RUNDC3B: variants seen among roughly 807,000 people sequenced by gnomAD.
RUNDC3B encodes the protein RUN domain-containing protein 3B.
RUNDC3B carries 33 observed loss-of-function variants against 58.4 expected under a neutral mutation model. The observed-to-expected ratio is 0.56, with a 90% CI of 0.43 to 0.75. The LOEUF (loss-of-function observed/expected upper bound fraction) is 0.75, where lower values mean the gene tolerates loss of function less well. Ranked by LOEUF, RUNDC3B falls within the 30% of genes least tolerant of loss-of-function variation. The pLI, the probability that RUNDC3B is intolerant of heterozygous loss-of-function variation, is 0.00. For missense variants in RUNDC3B, 501 were observed against 535.7 expected, an observed-to-expected ratio of 0.94 and a Z score of 0.64; for synonymous variants, 193 against 195.2, an observed-to-expected ratio of 0.99 and a Z score of 0.10.
intron 4 of RUNDC3B, among the ~76,000 whole-genome samples, chr7:87,714,092 G>A (rs1384175314): frequency 6.6e-6 from 1 of 152,158 alleles, no homozygotes; most frequent in Non-Finnish European, 1.5e-5. Context: ...CAGAAAAGTA[G>A]ACAGAATAGT....
At chr7:87,727,138 G>T (rs2130786222) in intron 4 of RUNDC3B, among the ~76,000 whole-genome samples, 1 of 152,300 alleles carries the variant, frequency 6.6e-6, no homozygotes, top group South Asian at 2.1e-4. Flanking sequence ...AATAGGAGTG[G>T]TGAGAGAGGG....
intron 1 of RUNDC3B, among the ~76,000 whole-genome samples, chr7:87,634,105 C>T (rs1211691528): frequency 6.6e-6 from 1 of 152,072 alleles, no homozygotes; most frequent in African/African-American, 2.4e-5. Context: ...GGAACTGATC[C>T]ATTCTTCCTT....
rs143369956 is a variant in RUNDC3B at position 87,805,597 on chromosome 7, G to A, written c.957-1776G>A. On this transcript the variant is annotated intron_variant, in intron 8 of 10. Coordinates refer to ENST00000394654, the MANE Select transcript of RUNDC3B (RefSeq NM_001134405.2). ...GGACAATAGTTATATAAAAACTGTT[G>A]TGGAACTTCAGTTCTCTTTTCCATT... 2.4e-3 allele frequency among the ~76,000 whole-genome samples: 370 copies of A among 152,258 alleles called. 1 individual carries two copies. The highest frequency in any genetic ancestry group is 8.5e-3 in the African/African-American group (355 of 41,552).
At chr7:87,734,704 C>T (rs918430936) in intron 4 of RUNDC3B, among the ~76,000 whole-genome samples, 1 of 152,152 alleles carries the variant, frequency 6.6e-6, no homozygotes, top group Non-Finnish European at 1.5e-5. Flanking sequence ...TTCTGCCCCT[C>T]ATCACTCCAC....
At position 87,628,804 on chromosome 7, in the gene RUNDC3B, G is replaced by T; in HGVS notation, c.-20G>T. 1 of 1,226,680 alleles carries T rather than the reference G, an allele frequency of 8.2e-7. No individual in the cohort carries two copies. The highest frequency in any genetic ancestry group is 1.6e-5 in the African/African-American group (1 of 64,304). 76.0% of individuals were successfully genotyped at this position (1,226,680 alleles called of 1,614,324 possible). ...GTGCGGGGTGGCACGAGACAAAAGG[G>T]GCACGGGGGTAAGCCCGCCATGGCC... On this transcript the variant is annotated 5_prime_UTR_variant, in exon 1 of 11. Transcript: ENST00000394654.
At chr7:87,707,279 G>C (rs1278838437) in intron 3 of RUNDC3B, among the ~76,000 whole-genome samples, 2 of 152,112 alleles carry the variant, frequency 1.3e-5, no homozygotes, top group Non-Finnish European at 2.9e-5. Flanking sequence ...ATGGGTGATA[G>C]AGACTTTGGA....
At chr7:87,701,726 A>G (rs1490654567) in intron 3 of RUNDC3B, among the ~76,000 whole-genome samples, 2 of 152,234 alleles carry the variant, frequency 1.3e-5, no homozygotes, top group Non-Finnish European at 2.9e-5. Context: ...CCAACCATAT[A>G]TCTGTGTGAA....
At chr7:87,828,084 T>C (rs1248331250) in intron 10 of RUNDC3B, among the ~76,000 whole-genome samples, 5 of 152,240 alleles carry the variant, frequency 3.3e-5, no homozygotes, top group Admixed American at 3.3e-4. Context: ...TAACTTTTTT[T>C]TGTTGTTCAA....
intron 4 of RUNDC3B, among the ~76,000 whole-genome samples, chr7:87,733,980 G>A (rs1449584076): frequency 2.6e-5 from 4 of 152,130 alleles, no homozygotes. Flanking sequence ...TTAAAAATGG[G>A]CAATGAATCT....
intron 8 of RUNDC3B, among the ~76,000 whole-genome samples, chr7:87,784,477 A>G (rs558224665): frequency 2.0e-5 from 3 of 151,924 alleles, no homozygotes; most frequent in Non-Finnish European, 4.4e-5. Context: ...GTGTCTTTTC[A>G]GAGGGCCAAG....
At chr7:87,725,593 T>C (rs1831178750) in intron 4 of RUNDC3B, among the ~76,000 whole-genome samples, 1 of 152,246 alleles carries the variant, frequency 6.6e-6, no homozygotes, top group Admixed American at 6.5e-5. Flanking sequence ...TATAATCCTT[T>C]GGGTATATAC....
chr7:87,819,155 A>G (rs984903306), intron 10 of RUNDC3B, among the ~76,000 whole-genome samples: 1 of 152,168 alleles, frequency 6.6e-6, no homozygotes, highest in Non-Finnish European at 1.5e-5. Flanking sequence ...CTCGGCCCTG[A>G]TCAGCTAGTC....
At chr7:87,692,430 C>T (rs1173210469) in intron 2 of RUNDC3B, among the ~76,000 whole-genome samples, 1 of 152,138 alleles carries the variant, frequency 6.6e-6, no homozygotes, top group East Asian at 1.9e-4. Flanking sequence ...GAGCTCCAGC[C>T]AGGGTGACAA....
intron 6 of RUNDC3B, among the ~76,000 whole-genome samples, chr7:87,747,333 T>G (rs182691659): frequency 7.3e-4 from 111 of 152,320 alleles, no homozygotes; most frequent in African/African-American, 2.5e-3. Flanking sequence ...GAGCCATCTA[T>G]GGGTCTCTCA....
chr7:87,667,373 G>A (rs1261957413), intron 2 of RUNDC3B, among the ~76,000 whole-genome samples: 1 of 151,544 alleles, frequency 6.6e-6, no homozygotes, highest in East Asian at 1.9e-4. Context: ...TTTTCAGATG[G>A]AGGAACTTTT....
intron 2 of RUNDC3B, among the ~76,000 whole-genome samples, chr7:87,687,369 C>A (rs1033367903): frequency 6.6e-6 from 1 of 152,038 alleles, no homozygotes; most frequent in Admixed American, 6.6e-5. Context: ...GAGGTTTAAC[C>A]CTTCCACTAT....
chr7:87,758,765 A>G lies in RUNDC3B; in HGVS notation c.630-11816A>G, dbSNP rs1220177509. On this transcript the variant is annotated intron_variant, in intron 6 of 10. Coordinates refer to ENST00000394654, the MANE Select transcript of RUNDC3B (RefSeq NM_001134405.2). ...TTAATCAACAGAGAAATGCAAATCAAAACTACAATGAGATATCATCTCACT... is the reference window on the plus strand; with the variant it reads ...TTAATCAACAGAGAAATGCAAATCAGAACTACAATGAGATATCATCTCACT... Among the ~76,000 whole-genome samples, 3 of 152,316 alleles carry G rather than the reference A, an allele frequency of 2.0e-5. No individual in the cohort carries two copies. The East Asian group carries it at 5.8e-4, about 29-fold the overall frequency.
intron 8 of RUNDC3B, among the ~76,000 whole-genome samples, chr7:87,797,954 G>C (rs575209542): frequency 6.6e-6 from 1 of 152,318 alleles, no homozygotes; most frequent in South Asian, 2.1e-4. Context: ...GACAGCAGCT[G>C]AATCAAAATA....
chr7:87,732,253 A>G (rs1279093424), intron 4 of RUNDC3B, among the ~76,000 whole-genome samples: 1 of 152,188 alleles, frequency 6.6e-6, no homozygotes, highest in Admixed American at 6.5e-5. Flanking sequence ...GTATTCCTCA[A>G]AAGCAGTACT....
Sources: gnomAD v4.1 joint callset for allele counts (sites outside exome capture counted in the v4.1 genomes callset) on GRCh38, gnomAD v4.1.1 for gene constraint, MANE v1.5 for transcripts, NCBI Gene and HGNC (gene_info 2026-07-23, HGNC 2026-07-21) for gene names.